STK17A: variants seen among roughly 807,000 people sequenced by gnomAD.
The protein encoded by STK17A is serine/threonine kinase 17a, also known as serine/threonine-protein kinase 17A.
Under a neutral mutation model 43.7 loss-of-function variants are expected in STK17A, and 26 were observed. The observed-to-expected ratio is 0.60, with a 90% CI of 0.44 to 0.83. The LOEUF (loss-of-function observed/expected upper bound fraction) is 0.83, where lower values mean the gene tolerates loss of function less well. STK17A is among the 40% of genes least tolerant of loss of function. The pLI, the probability that STK17A is intolerant of heterozygous loss-of-function variation, is 0.00. For synonymous variants in STK17A, 191 were observed against 182.5 expected, an observed-to-expected ratio of 1.05 and a Z score of -0.38; for missense variants, 476 against 511.6, an observed-to-expected ratio of 0.93 and a Z score of 0.67.
In STK17A at chr7:43,595,907, A is replaced by G. The variant is rs200924012; in HGVS notation, c.213A>G (p.Lys71=). The G allele has an allele frequency of 2.1e-5, 34 of 1,612,868 alleles. No individual in the cohort carries two copies. The highest frequency in any genetic ancestry group is 4.0e-5 in the African/African-American group (3 of 74,810). The change falls in exon 2 of 7, where the codon AAA becomes AAG. Residue 71 remains lysine, a synonymous_variant. Transcript: ENST00000319357. ...TGTTTTTGTTTAATTCTAGGGGGAA[A>G]TTTGCAGTGGTGAGAAAATGTATAA... The part of the protein sequence containing the change: ...LCPGRELGRG[K]FAVVRKCIKK...
chr7:43,607,462 A>G (rs1384181293), intron 2 of STK17A, among the ~76,000 whole-genome samples: 1 of 151,750 alleles, frequency 6.6e-6, no homozygotes, highest in Non-Finnish European at 1.5e-5. Flanking sequence ...ATCCTGGCCA[A>G]CCTGGTGAAA....
chr7:43,615,746 T>G (rs1294887306), intron 3 of STK17A, among the ~76,000 whole-genome samples: 1 of 152,176 alleles, frequency 6.6e-6, no homozygotes, highest in African/African-American at 2.4e-5. Context: ...CCACACAGGA[T>G]TTCCTGCAGA....
At chr7:43,599,996 A>G (rs1183250212) in intron 2 of STK17A, among the ~76,000 whole-genome samples, 3 of 152,068 alleles carry the variant, frequency 2.0e-5, no homozygotes, top group Non-Finnish European at 4.4e-5. Context: ...CTCCAATTAC[A>G]TGGTGCCTGC....
intron 2 of STK17A, among the ~76,000 whole-genome samples, chr7:43,607,999 A>G (rs1023168570): frequency 2.6e-5 from 4 of 152,212 alleles, no homozygotes; most frequent in African/African-American, 9.6e-5. Context: ...ACAGTTATAC[A>G]GGCTGGGTAC....
chr7:43,613,205 A>G (rs1282959212), intron 3 of STK17A, among the ~76,000 whole-genome samples: 2 of 152,208 alleles, frequency 1.3e-5, no homozygotes, highest in Non-Finnish European at 2.9e-5. Context: ...CATGGATTCA[A>G]CCAACCACAG....
At chr7:43,602,349 AG>A (rs982694742) in intron 2 of STK17A, among the ~76,000 whole-genome samples, 3 of 152,190 alleles carry the variant, frequency 2.0e-5, no homozygotes, top group African/African-American at 7.2e-5. Context: ...ACTTGTTAAA[AG>A]AATAGTCTGG....
rs895501223 is a variant in STK17A, at chr7:43,625,926, C to A, written c.*1084C>A. 4 of 152,222 alleles carry A rather than the reference C, an allele frequency of 2.6e-5. No individual in the cohort carries two copies. Among genetic ancestry groups the A allele is most frequent in the Admixed American group, 2.6e-4 (4 of 15,304 alleles). 9.4% of individuals were successfully genotyped at this position (152,222 alleles called of 1,614,324 possible). A position where few individuals can be genotyped will look rare whatever the true frequency, so the allele number is the denominator to read the frequency against. On this transcript the variant is annotated 3_prime_UTR_variant, in exon 7 of 7. Transcript: ENST00000319357. ...TTGGATACTCTGTAAGTAGGAGGTA[C>A]TTTGTCCCAAAAAGATGTATAAGAA...
rs777009041 is a variant in STK17A, at chr7:43,624,764, G to T, written c.1167G>T (p.Met389Ile). The change falls in exon 7 of 7, where the codon ATG (methionine) becomes ATT (isoleucine). Residue 389 changes from methionine (M) to isoleucine (I), a missense_variant. Around this residue, in one of 3 missense-constraint regions of STK17A, gnomAD observed 110 missense variants for 103.7 expected, o/e 1.06. Coordinates refer to ENST00000319357, the MANE Select transcript of STK17A (RefSeq NM_004760.3). ...GQCRQSEKEKMEQKAISKRFK... is the reference protein window; with the variant it reads ...GQCRQSEKEKIEQKAISKRFK... ...GCAGACAGTCTGAAAAAGAGAAAAT[G>T]GAGCAAAAGGCCATTTCCAAACGAT... The T allele has an allele frequency of 2.5e-6, 4 of 1,613,186 alleles. No individual in the cohort carries two copies. Among genetic ancestry groups the T allele is most frequent in the African/African-American group, 1.3e-5 (1 of 74,892 alleles).
intron 3 of STK17A, among the ~76,000 whole-genome samples, chr7:43,612,556 A>G (rs1010314007): frequency 6.6e-6 from 1 of 152,212 alleles, no homozygotes; most frequent in Non-Finnish European, 1.5e-5. Flanking sequence ...GATAATCCCA[A>G]TATGTATGGT....
At chr7:43,607,134 G>A (rs936287319) in intron 2 of STK17A, among the ~76,000 whole-genome samples, 1 of 150,932 alleles carries the variant, frequency 6.6e-6, no homozygotes, top group African/African-American at 2.4e-5. Context: ...TGTTGGTCAC[G>A]CTGGTCTGGA....
chr7:43,611,461 C>G (rs2082871543), intron 3 of STK17A, among the ~76,000 whole-genome samples: 1 of 152,182 alleles, frequency 6.6e-6, no homozygotes, highest in Non-Finnish European at 1.5e-5. Flanking sequence ...GACATGTGCA[C>G]ACCCACACGC....
chr7:43,584,900 G>A (rs1394259082), intron 1 of STK17A, among the ~76,000 whole-genome samples: 1 of 152,120 alleles, frequency 6.6e-6, no homozygotes, highest in African/African-American at 2.4e-5. Context: ...CCTATTACCT[G>A]AAAAAAGGAA....
At chr7:43,615,532 A>C (rs1011998729) in intron 3 of STK17A, among the ~76,000 whole-genome samples, 8 of 152,202 alleles carry the variant, frequency 5.3e-5, no homozygotes, top group Non-Finnish European at 1.2e-4. Flanking sequence ...TGCCTTGAAA[A>C]GTCTGAGGAC....
intron 2 of STK17A, among the ~76,000 whole-genome samples, chr7:43,599,743 A>C (rs1312923548): frequency 1.3e-5 from 2 of 152,212 alleles, no homozygotes; most frequent in Non-Finnish European, 2.9e-5. Context: ...CAAGCTGGAC[A>C]CCCTGGGATG....
At chr7:43,593,403 A>C (rs148508479) in intron 1 of STK17A, among the ~76,000 whole-genome samples, 1 of 152,234 alleles carries the variant, frequency 6.6e-6, no homozygotes. Flanking sequence ...TCCTTTGGGC[A>C]GATACCCTGT....
At chr7:43,602,852 G>A (rs903905424) in intron 2 of STK17A, among the ~76,000 whole-genome samples, 1 of 152,040 alleles carries the variant, frequency 6.6e-6, no homozygotes, top group Non-Finnish European at 1.5e-5. Flanking sequence ...GTATTCCTGT[G>A]TCCAACTGCA....
chr7:43,589,996 C>T (rs2082469029), intron 1 of STK17A, among the ~76,000 whole-genome samples: 2 of 144,218 alleles, frequency 1.4e-5, no homozygotes, highest in Non-Finnish European at 3.0e-5. Flanking sequence ...TTCTGTTGCC[C>T]AGGCTAGAGT....
chr7:43,610,406 C>T (rs1213193553), intron 3 of STK17A, among the ~76,000 whole-genome samples: 1 of 148,676 alleles, frequency 6.7e-6, no homozygotes, highest in Admixed American at 6.8e-5. Flanking sequence ...TGGCTCATGC[C>T]TGTAATCCCA....
At chr7:43,610,508 AT>A (rs2152977342) in intron 3 of STK17A, among the ~76,000 whole-genome samples, 1 of 151,514 alleles carries the variant, frequency 6.6e-6, no homozygotes, top group East Asian at 2.0e-4. Flanking sequence ...TCTACTAAAA[AT>A]ACAAAAAATT....
Sources: allele counts gnomAD v4.1 joint callset (sites outside exome capture counted in the v4.1 genomes callset), GRCh38; gene constraint gnomAD v4.1.1; regional missense constraint gnomAD v4.1.1; transcripts MANE v1.5; gene names NCBI Gene and HGNC (gene_info 2026-07-23, HGNC 2026-07-21).